Variants in ADAMTS3 observed in about 807,000 individuals in gnomAD.
The protein encoded by ADAMTS3 is ADAM metallopeptidase with thrombospondin type 1 motif 3.
ADAMTS3 carries 73 observed loss-of-function variants against 129.0 expected under a neutral mutation model. That is an observed-to-expected ratio of 0.57 (90% CI 0.47 to 0.69). ADAMTS3 has a LOEUF of 0.69. Among genes scored for constraint, ADAMTS3 ranks in the 30% least tolerant of loss-of-function variants. The probability of loss-of-function intolerance (pLI) is 0.00; values close to 1 mark genes in which losing one functional copy is unlikely to be tolerated. For missense variants in ADAMTS3, 1,457 were observed against 1,514.5 expected (o/e 0.96, Z 0.63); for synonymous variants, 477 against 510.8 (o/e 0.93, Z 0.89).
rs779714245 is a variant in ADAMTS3, at chr4:72,323,047, G to A, written c.912C>T (p.Val304=). The change falls in exon 6 of 22, where the codon GTC becomes GTT. Residue 304 remains valine (V), a synonymous_variant. Coordinates refer to ENST00000286657, the MANE Select transcript of ADAMTS3 (RefSeq NM_014243.3). ...ATCCCAGCATTATCATGCGCACCAG[G>A]ACCACATTTATATGCACTCCGAGGG... ...DESLGVHINV[V]LVRMIMLGYA... 3.1e-6 allele frequency: 5 copies of A among 1,613,406 alleles called. No homozygotes were observed. The highest frequency in any genetic ancestry group is 3.4e-6 in the Non-Finnish European group (4 of 1,179,678).
chr4:72,348,914 C>T (rs1300675575), intron 4 of ADAMTS3, among the ~76,000 whole-genome samples: 2 of 151,854 alleles, frequency 1.3e-5, no homozygotes, highest in Non-Finnish European at 2.9e-5. Context: ...TTCCCAGATC[C>T]TTCAGATAAG....
intron 3 of ADAMTS3, among the ~76,000 whole-genome samples, chr4:72,457,763 A>G (rs1718663032): frequency 6.6e-6 from 1 of 151,696 alleles, no homozygotes; most frequent in South Asian, 2.1e-4. Context: ...TCTTAGAATT[A>G]TGAAAGACTG....
chr4:72,303,479 T>C (rs1174169315), intron 17 of ADAMTS3, among the ~76,000 whole-genome samples: 1 of 152,140 alleles, frequency 6.6e-6, no homozygotes, highest in South Asian at 2.1e-4. Context: ...GAAATAAAGA[T>C]ATTTTCAGAT....
intron 16 of ADAMTS3, among the ~76,000 whole-genome samples, chr4:72,305,775 A>G (rs9995706): frequency 0.39 from 59,287 of 151,798 alleles, 14,682 homozygotes; most frequent in East Asian, 0.77. Flanking sequence ...ACACATATAC[A>G]CATGCACATG....
At chr4:72,422,084 C>A (rs1722461241) in intron 3 of ADAMTS3, among the ~76,000 whole-genome samples, 1 of 152,122 alleles carries the variant, frequency 6.6e-6, no homozygotes, top group Non-Finnish European at 1.5e-5. Context: ...ACATTTAGTA[C>A]ATATGACAAT....
chr4:72,308,787 C>G (rs1428640598), intron 15 of ADAMTS3, among the ~76,000 whole-genome samples: 1 of 151,838 alleles, frequency 6.6e-6, no homozygotes, highest in Non-Finnish European at 1.5e-5. Context: ...CAGTGTATGT[C>G]TAAGTTCAAG....
chr4:72,510,680 T>C (rs767225074), intron 3 of ADAMTS3, among the ~76,000 whole-genome samples: 10 of 151,930 alleles, frequency 6.6e-5, no homozygotes, highest in Non-Finnish European at 1.0e-4. Context: ...AAAATGTCCA[T>C]ACTACCCAAA....
At chr4:72,352,870 T>A (rs1488471199) in intron 4 of ADAMTS3, among the ~76,000 whole-genome samples, 1 of 151,964 alleles carries the variant, frequency 6.6e-6, no homozygotes, top group Non-Finnish European at 1.5e-5. Flanking sequence ...GGAGCAAAAC[T>A]AAGTGAATAT....
At chr4:72,317,258 T>C (rs1474222565) in intron 10 of ADAMTS3, among the ~76,000 whole-genome samples, 3 of 152,220 alleles carry the variant, frequency 2.0e-5, no homozygotes, top group African/African-American at 7.2e-5. Context: ...GAAATTCCAC[T>C]TTTCCATGAC....
Position 72,326,646 on chromosome 4 carries a change from C to T in ADAMTS3, c.862-3549G>A, listed in dbSNP as rs115478924. 5.5e-3 allele frequency among the ~76,000 whole-genome samples: 841 copies of T among 152,060 alleles called. 10 individuals carry two copies. Among genetic ancestry groups the T allele is most frequent in the African/African-American group, 0.019 (782 of 41,494 alleles). ...ACAAGCAAGATCATACAACTATACT[C>T]GGCAAAATACAAAGTACTTGAGCTC... On this transcript the variant is annotated intron_variant, in intron 5 of 21. Transcript: ENST00000286657.
chr4:72,325,058 A>T (rs368568759), intron 5 of ADAMTS3, among the ~76,000 whole-genome samples: 41 of 152,208 alleles, frequency 2.7e-4, no homozygotes, highest in Non-Finnish European at 1.9e-4. Flanking sequence ...TCGCTAAAAA[A>T]TTTTATAAGT....
chr4:72,527,494 A>G (rs1021907617), intron 3 of ADAMTS3, among the ~76,000 whole-genome samples: 1 of 152,180 alleles, frequency 6.6e-6, no homozygotes, highest in Non-Finnish European at 1.5e-5. Context: ...TCAGGTACAC[A>G]GTAAGTGATC....
intron 4 of ADAMTS3, among the ~76,000 whole-genome samples, chr4:72,365,303 T>G (rs1720842002): frequency 6.6e-6 from 1 of 152,220 alleles, no homozygotes; most frequent in Non-Finnish European, 1.5e-5. Context: ...TTCCACTTCC[T>G]TGTGTTTCTG....
Position 72,306,003 on chromosome 4 carries a change from A to C in ADAMTS3, c.2244T>G (p.Ala748=). 1 of 1,611,882 alleles carries C rather than the reference A, an allele frequency of 6.2e-7. No individual in the cohort carries two copies. Among genetic ancestry groups the C allele is most frequent in the Non-Finnish European group, 8.5e-7 (1 of 1,178,756 alleles). Residue 748 remains alanine, a synonymous_variant, in exon 16 of 22, where the codon GCT becomes GCG. Transcript: ENST00000286657. ...AACACTTACCAAGAATATGAGGAGA[A>C]GCCTCGTCTTCTTGGATTAACACAT... ...ARHVLIQEDE[A]SPHILAIKNQ...
chr4:72,320,015 A>C (rs763946974), intron 7 of ADAMTS3, 52 bp from the exon 8 acceptor site: 10 of 1,504,188 alleles, frequency 6.6e-6, no homozygotes, highest in South Asian at 2.3e-5. Context: ...AAACCCATTA[A>C]GAATTACAAC....
At chr4:72,469,987 T>C (rs1719021108) in intron 3 of ADAMTS3, among the ~76,000 whole-genome samples, 1 of 152,130 alleles carries the variant, frequency 6.6e-6, no homozygotes, top group African/African-American at 2.4e-5. Context: ...AGTCAAAAGT[T>C]ACATACAGAC....
intron 4 of ADAMTS3, among the ~76,000 whole-genome samples, chr4:72,399,511 A>G (rs989574009): frequency 5.9e-5 from 9 of 152,146 alleles, no homozygotes; most frequent in African/African-American, 2.2e-4. Flanking sequence ...CATTTGTTCA[A>G]TCAATATTTA....
intron 4 of ADAMTS3, among the ~76,000 whole-genome samples, chr4:72,409,985 G>GATCT (rs3034494): frequency 0.67 from 101,240 of 151,506 alleles, 34,431 homozygotes; most frequent in South Asian, 0.8. Context: ...ATTGCTACTT[G>GATCT]ATCTTAGTAA....
chr4:72,412,589 A>G (rs1434555), intron 4 of ADAMTS3, among the ~76,000 whole-genome samples: 100,491 of 151,670 alleles, frequency 0.66, 33,903 homozygotes, highest in South Asian at 0.8. Context: ...TTCTCAAAAG[A>G]AGGTAAATTC....
Sources: allele counts gnomAD v4.1 joint callset (sites outside exome capture counted in the v4.1 genomes callset), GRCh38; gene constraint gnomAD v4.1.1; transcripts MANE v1.5; gene names NCBI Gene and HGNC (gene_info 2026-07-23, HGNC 2026-07-21).